LINGO2: variants seen among roughly 807,000 people sequenced by gnomAD.
LINGO2 encodes the protein leucine-rich repeat and immunoglobulin-like domain-containing nogo receptor-interacting protein 2.
In LINGO2, 14 loss-of-function variants were observed where a neutral mutation model predicts 30.6. The observed-to-expected ratio is 0.46, with a 90% CI of 0.30 to 0.72. The LOEUF is 0.72. Ranked by LOEUF, LINGO2 falls within the 30% of genes least tolerant of loss-of-function variation. The probability of loss-of-function intolerance (pLI) is 0.07; values close to 1 mark genes in which losing one functional copy is unlikely to be tolerated. For missense variants in LINGO2, 729 were observed against 751.7 expected (o/e 0.97, Z 0.35); for synonymous variants, 317 against 288.5 (o/e 1.10, Z -1.00).
the LINGO2 span, among the ~76,000 whole-genome samples, chr9:28,698,364 CT>C: frequency 6.6e-6 from 1 of 151,924 alleles, no homozygotes; most frequent in Non-Finnish European, 1.5e-5. Context: ...ATTATCATAT[CT>C]TTTCAATGGA....
At chr9:28,479,229 G>A (rs1825838087) in intron 1 of LINGO2, among the ~76,000 whole-genome samples, 1 of 151,892 alleles carries the variant, frequency 6.6e-6, no homozygotes, top group Non-Finnish European at 1.5e-5. Flanking sequence ...TATTTTAAAA[G>A]TGGCAAAAAT....
At chr9:28,280,844 T>G (rs1316883247) in intron 4 of LINGO2, among the ~76,000 whole-genome samples, 2 of 152,130 alleles carry the variant, frequency 1.3e-5, no homozygotes, top group African/African-American at 4.8e-5. Flanking sequence ...TGCAAAAAGT[T>G]TTCTATCAAA....
At chr9:28,848,379 GTGTGTGTGTGTGTGTGTGTATA>G in the LINGO2 span, among the ~76,000 whole-genome samples, 5 of 52,666 alleles carry the variant, frequency 9.5e-5, no homozygotes, top group South Asian at 4.9e-3. Flanking sequence ...GTGTGTGTGT[GTGTGTGTGTGTGTGTGTGTATA>G]TATATATATA....
At chr9:28,301,227 C>T (rs1387281535) in intron 3 of LINGO2, among the ~76,000 whole-genome samples, 5 of 152,100 alleles carry the variant, frequency 3.3e-5, no homozygotes, top group Admixed American at 6.6e-5. Flanking sequence ...AGAAAGAACA[C>T]ATTTTTGGAC....
chr9:28,006,966 A>G (rs1450000446), intron 5 of LINGO2, among the ~76,000 whole-genome samples: 1 of 152,170 alleles, frequency 6.6e-6, no homozygotes, highest in Non-Finnish European at 1.5e-5. Context: ...AATACCTAGT[A>G]TGTGTTAGGC....
the LINGO2 span, among the ~76,000 whole-genome samples, chr9:29,045,208 C>G: frequency 6.6e-6 from 1 of 152,044 alleles, no homozygotes; most frequent in East Asian, 1.9e-4. Context: ...CATGGCTACT[C>G]AGAAAAGCAG....
At chr9:27,982,031 CAG>C (rs1049983396) in intron 5 of LINGO2, among the ~76,000 whole-genome samples, 9 of 151,820 alleles carry the variant, frequency 5.9e-5, no homozygotes, top group African/African-American at 2.2e-4. Context: ...GTTTAATCTA[CAG>C]AGTCTCTGTG....
intron 1 of LINGO2, among the ~76,000 whole-genome samples, chr9:28,616,895 C>A (rs1826153115): frequency 6.6e-6 from 1 of 152,172 alleles, no homozygotes; most frequent in Non-Finnish European, 1.5e-5. Context: ...ATCCAAAAGA[C>A]TCTTTCATCA....
the LINGO2 span, among the ~76,000 whole-genome samples, chr9:29,098,308 T>C: frequency 4.5e-4 from 69 of 152,316 alleles, no homozygotes; most frequent in South Asian, 0.014. Context: ...GCTTACACTT[T>C]AATTATTTAA....
chr9:28,327,645 A>G (rs947430103), intron 3 of LINGO2, among the ~76,000 whole-genome samples: 2 of 152,240 alleles, frequency 1.3e-5, no homozygotes, highest in African/African-American at 4.8e-5. Context: ...AGCAGAAATA[A>G]GCACACTTGT....
the LINGO2 span, among the ~76,000 whole-genome samples, chr9:28,976,117 C>T: frequency 6.6e-5 from 10 of 152,250 alleles, no homozygotes; most frequent in African/African-American, 1.7e-4. Context: ...CAAGTCCAAA[C>T]GCTTTTATCA....
intron 4 of LINGO2, among the ~76,000 whole-genome samples, chr9:28,171,008 C>G (rs368054749): frequency 6.6e-6 from 1 of 152,320 alleles, no homozygotes. Flanking sequence ...TTATGGGCAC[C>G]ATCATCCCCA....
intron 4 of LINGO2, among the ~76,000 whole-genome samples, chr9:28,090,978 G>A (rs1037720211): frequency 6.6e-6 from 1 of 151,882 alleles, no homozygotes; most frequent in African/African-American, 2.4e-5. Context: ...TTTCAAAGAG[G>A]ATAAAATACC....
the LINGO2 span, among the ~76,000 whole-genome samples, chr9:28,966,183 A>G: frequency 6.6e-6 from 1 of 152,152 alleles, no homozygotes; most frequent in Non-Finnish European, 1.5e-5. Flanking sequence ...CCTCATCCTG[A>G]GAAATTAAGA....
intron 1 of LINGO2, among the ~76,000 whole-genome samples, chr9:28,615,632 C>T (rs992945323): frequency 5.9e-5 from 9 of 152,072 alleles, no homozygotes; most frequent in African/African-American, 2.2e-4. Context: ...TTATAAAATA[C>T]ATATGAATGG....
chr9:28,568,312 G>A (rs956664389), intron 1 of LINGO2, among the ~76,000 whole-genome samples: 6 of 151,956 alleles, frequency 3.9e-5, no homozygotes, highest in Non-Finnish European at 7.4e-5. Context: ...CAACAGACAC[G>A]GGGGTCTACT....
chr9:28,038,063 A>G (rs747243889), intron 4 of LINGO2, among the ~76,000 whole-genome samples: 14 of 152,208 alleles, frequency 9.2e-5, no homozygotes, highest in Non-Finnish European at 2.1e-4. Flanking sequence ...CAACCACCAT[A>G]CCACTTTTTA....
At chr9:28,945,535 C>T in the LINGO2 span, among the ~76,000 whole-genome samples, 1 of 152,034 alleles carries the variant, frequency 6.6e-6, no homozygotes, top group Non-Finnish European at 1.5e-5. Context: ...ATAAAACTTC[C>T]AAATAGACTG....
chr9:28,377,647 A>G (rs1233907370), intron 2 of LINGO2, among the ~76,000 whole-genome samples: 1 of 152,088 alleles, frequency 6.6e-6, no homozygotes, highest in African/African-American at 2.4e-5. Flanking sequence ...GTATCTCAGC[A>G]CTCATTCCAA....
Sources: allele counts gnomAD v4.1 joint callset (sites outside exome capture counted in the v4.1 genomes callset), GRCh38; gene constraint gnomAD v4.1.1; transcripts MANE v1.5; gene names NCBI Gene and HGNC (gene_info 2026-07-23, HGNC 2026-07-21).